Variants in HSBP1 observed in about 807,000 individuals in gnomAD.
HSBP1 encodes heat shock factor binding protein 1.
A neutral mutation model predicts 9.6 loss-of-function variants in HSBP1; 5 were observed. The observed-to-expected ratio is 0.52, with a 90% CI of 0.27 to 1.09. The LOEUF is 1.09. Ranked by LOEUF, HSBP1 falls within the 50% of genes least tolerant of loss-of-function variation. HSBP1 has a pLI of 0.11. For synonymous variants in HSBP1, 42 were observed against 33.3 expected (o/e 1.26, Z -0.90); for missense variants, 121 against 96.3 (o/e 1.26, Z -1.07).
Position 83,814,100 on chromosome 16 carries a change from CTG to C in HSBP1, c.*2686_*2687del, listed in dbSNP as rs1904665186. ...AAATGGAAGCCTTCCCAAGCAGACACTGTGTTCCTCTTTTATTTTGTATTTTG... is the reference window on the plus strand; with the variant it reads ...AAATGGAAGCCTTCCCAAGCAGACACTGTTCCTCTTTTATTTTGTATTTTG... On this transcript the variant is annotated 3_prime_UTR_variant, in exon 4 of 4. Transcript: ENST00000433866. The C allele has an allele frequency of 6.6e-6, 1 of 152,188 alleles. No individual in the cohort carries two copies. Among genetic ancestry groups the C allele is most frequent in the Non-Finnish European group, 1.5e-5 (1 of 68,040 alleles). The allele number at this position is 152,188 out of a possible 1,614,324, so 9.4% of individuals were successfully genotyped here.
Position 83,815,875 on chromosome 16 carries a change from C to T in HSBP1, c.*4457C>T, listed in dbSNP as rs947250733. ...CTCTACCGTAGAAAACAGAATTTGA[C>T]CATTTAGTCACGTTGGTCTTGCAAA... On this transcript the variant is annotated 3_prime_UTR_variant, in exon 4 of 4. Transcript: ENST00000433866. 3 of 152,062 alleles carry T rather than the reference C, an allele frequency of 2.0e-5. No homozygotes were observed. The highest frequency in any genetic ancestry group is 2.9e-5 in the Non-Finnish European group (2 of 68,004). 9.4% of individuals were successfully genotyped at this position (152,062 alleles called of 1,614,324 possible).
Position 83,807,996 on chromosome 16 carries a change from A to C in HSBP1, c.-81A>C. On this transcript the variant is annotated 5_prime_UTR_variant, in exon 1 of 4. Coordinates refer to ENST00000433866, the MANE Select transcript of HSBP1 (RefSeq NM_001537.4). ...AGCTGCCAGTCTCGTCGCGAGAAGC[A>C]GCGGCCCGGGGCGACTGAGCGGACA... 7.0e-6 allele frequency: 9 copies of C among 1,286,464 alleles called. No individual in the cohort carries two copies. The highest frequency in any genetic ancestry group is 9.6e-6 in the Non-Finnish European group (9 of 942,308). 79.7% of individuals were successfully genotyped at this position (1,286,464 alleles called of 1,614,324 possible).
rs559279094 is a variant in HSBP1 at position 83,812,886 on chromosome 16, T to C, written c.*1468T>C. ...ATGGCCGGTTGCGGTTGTAGGAGAG[T>C]TGTGACTTAGGCAGGAGTCGACCTC... is the stretch of plus-strand genomic sequence containing the variant. On this transcript the variant is annotated 3_prime_UTR_variant, in exon 4 of 4. Transcript: ENST00000433866. 6.6e-6 allele frequency: 1 copy of C among 151,852 alleles called. No individual in the cohort carries two copies. Among genetic ancestry groups the C allele is most frequent in the East Asian group, 1.9e-4 (1 of 5,160 alleles). 9.4% of individuals were successfully genotyped at this position (151,852 alleles called of 1,614,324 possible).
intron 2 of HSBP1, 80 bp from the exon 3 acceptor site, chr16:83,809,225 T>A (rs1405108779): frequency 3.5e-6 from 3 of 845,122 alleles, no homozygotes; most frequent in Non-Finnish European, 5.7e-6. Context: ...AAAGTCGTTG[T>A]GTTTAAGGCT....
At chr16:83,810,956 G>A (rs532863935) in intron 3 of HSBP1, among the ~76,000 whole-genome samples, 16 of 152,328 alleles carry the variant, frequency 1.1e-4, no homozygotes, top group South Asian at 1.0e-3. Flanking sequence ...TTGGGATGTT[G>A]AAGACAGACT....
rs76191599 is a variant in HSBP1, at chr16:83,808,916, A to C, written c.112+170A>C. 0.029 allele frequency among the ~76,000 whole-genome samples: 4,381 copies of C among 152,198 alleles called. 80 individuals are homozygous for C. Among genetic ancestry groups the C allele is most frequent in the East Asian group, 0.087 (450 of 5,162 alleles). ...AGGACTGCGCCGAGAGCTAGGGGCAAAGCTGAGTTAGACTCCTGGCTCAAG... is the reference window on the plus strand; with the variant it reads ...AGGACTGCGCCGAGAGCTAGGGGCACAGCTGAGTTAGACTCCTGGCTCAAG... On this transcript the variant is annotated intron_variant, in intron 2 of 3. Coordinates refer to ENST00000433866, the MANE Select transcript of HSBP1 (RefSeq NM_001537.4).
chr16:83,811,307 A>G (rs1904595717), intron 3 of HSBP1, 114 bp from the exon 4 acceptor site: 1 of 152,228 alleles, frequency 6.6e-6, no homozygotes, highest in African/African-American at 2.4e-5. Context: ...AGAAGAAAAT[A>G]AGTTTAACTC....
At chr16:83,808,202 C>G in intron 1 of HSBP1, 81 bp downstream of exon 1, 1 of 1,230,676 alleles carries the variant, frequency 8.1e-7, no homozygotes, top group Non-Finnish European at 1.1e-6. Flanking sequence ...GAGGCGCGCC[C>G]ACCGCGGCCG....
At chr16:83,809,522 G>A (rs1904551836) in intron 3 of HSBP1, 97 bp downstream of exon 3, 2 of 634,400 alleles carry the variant, frequency 3.2e-6, no homozygotes, top group Non-Finnish European at 5.2e-6. Context: ...AGGCTGGAGT[G>A]CAATGGCACG....
In HSBP1 at chr16:83,811,668, A is replaced by G. The variant is rs1174983264; in HGVS notation, c.*250A>G. On this transcript the variant is annotated 3_prime_UTR_variant, in exon 4 of 4. Coordinates refer to ENST00000433866, the MANE Select transcript of HSBP1 (RefSeq NM_001537.4). Reference sequence around the variant, plus strand: ...ACTAAAACTTTGGCGGTTCTTGCATAACATTGTCAGATTTTTTAGTGTATT... The same window carrying G: ...ACTAAAACTTTGGCGGTTCTTGCATGACATTGTCAGATTTTTTAGTGTATT... The G allele has an allele frequency of 6.6e-6, 1 of 152,236 alleles. No individual in the cohort carries two copies. The highest frequency in any genetic ancestry group is 1.5e-5 in the Non-Finnish European group (1 of 68,044). The allele number at this position is 152,236 out of a possible 1,614,324, so 9.4% of individuals were successfully genotyped here. A position where few individuals can be genotyped will look rare whatever the true frequency, so the allele number is the denominator to read the frequency against.
rs1428677973 is a variant in HSBP1 at position 83,818,816 on chromosome 16, G to T, written c.*7398G>T. Reference sequence around the variant, plus strand: ...TTCCATAATTGGTCTGAGAACAACAGATTTTTTTCTTTTTTGCCTCGGATT... The same window carrying T: ...TTCCATAATTGGTCTGAGAACAACATATTTTTTTCTTTTTTGCCTCGGATT... On this transcript the variant is annotated 3_prime_UTR_variant, in exon 4 of 4. Transcript: ENST00000433866. 1 of 152,170 alleles carries T rather than the reference G, an allele frequency of 6.6e-6. No individual in the cohort carries two copies. Among genetic ancestry groups the T allele is most frequent in the Non-Finnish European group, 1.5e-5 (1 of 68,026 alleles). 9.4% of individuals were successfully genotyped at this position (152,170 alleles called of 1,614,324 possible).
intron 1 of HSBP1, chr16:83,808,407 C>G (rs974331450): frequency 5.3e-6 from 3 of 563,222 alleles, no homozygotes; most frequent in Non-Finnish European, 9.4e-6. Flanking sequence ...CCCTCCCCGC[C>G]CTTCAACTCC....
At chr16:83,810,872 C>T (rs1354012900) in intron 3 of HSBP1, among the ~76,000 whole-genome samples, 1 of 152,178 alleles carries the variant, frequency 6.6e-6, no homozygotes, top group Non-Finnish European at 1.5e-5. Flanking sequence ...GCAGAATGTA[C>T]AGTAAAACAT....
rs1904680083 is a variant in HSBP1, at chr16:83,814,731, C to G, written c.*3313C>G. On this transcript the variant is annotated 3_prime_UTR_variant, in exon 4 of 4. Coordinates refer to ENST00000433866, the MANE Select transcript of HSBP1 (RefSeq NM_001537.4). ...TGTGAGTTTTTATTTGGAATTTAAA[C>G]TATTCAGAGCTGGTAGAAAATGTGT... 1.3e-5 allele frequency: 2 copies of G among 152,220 alleles called. No individual in the cohort carries two copies. The highest frequency in any genetic ancestry group is 4.8e-5 in the African/African-American group (2 of 41,448). The allele number at this position is 152,220 out of a possible 1,614,324, so 9.4% of individuals were successfully genotyped here.
At position 83,817,321 on chromosome 16, in the gene HSBP1, G is replaced by A. The variant is rs907214041; in HGVS notation, c.*5903G>A. 1 of 152,218 alleles carries A rather than the reference G, an allele frequency of 6.6e-6. No homozygotes were observed. The highest frequency in any genetic ancestry group is 2.4e-5 in the African/African-American group (1 of 41,464). The allele number at this position is 152,218 out of a possible 1,614,324, so 9.4% of individuals were successfully genotyped here. A position where few individuals can be genotyped will look rare whatever the true frequency, so the allele number is the denominator to read the frequency against. On this transcript the variant is annotated 3_prime_UTR_variant, in exon 4 of 4. Coordinates refer to ENST00000433866, the MANE Select transcript of HSBP1 (RefSeq NM_001537.4). ...TCAATTCAATCCATGTGTCACGCAT[G>A]CCCCAACAATTTGTGTCCCAACTGT...
intron 1 of HSBP1, chr16:83,808,359 G>C (rs1382689184): frequency 7.3e-6 from 4 of 548,822 alleles, no homozygotes; most frequent in Non-Finnish European, 1.3e-5. Flanking sequence ...TTCATCTGTC[G>C]CGAACGCCCT....
chr16:83,817,683 A>C lies in HSBP1; in HGVS notation c.*6265A>C, dbSNP rs948555190. ...AAACTTTACATATTAAATATCTTAAAGGTCTTTTATGCAGAATATGCAGTT... is the reference window on the plus strand; with the variant it reads ...AAACTTTACATATTAAATATCTTAACGGTCTTTTATGCAGAATATGCAGTT... On this transcript the variant is annotated 3_prime_UTR_variant, in exon 4 of 4. Transcript: ENST00000433866. The C allele has an allele frequency of 3.9e-5, 6 of 152,228 alleles. No individual in the cohort carries two copies. Among genetic ancestry groups the C allele is most frequent in the African/African-American group, 1.4e-4 (6 of 41,456 alleles). 9.4% of individuals were successfully genotyped at this position (152,228 alleles called of 1,614,324 possible).
In HSBP1 at chr16:83,819,636, G is replaced by A. The variant is rs1904796667; in HGVS notation, c.*8218G>A. ...TCCAATCATTTAAAGCTTCCTGAGT[G>A]TTTCGGTTGATTAAAAAGCTTTTAA... On this transcript the variant is annotated 3_prime_UTR_variant, in exon 4 of 4. Coordinates refer to ENST00000433866, the MANE Select transcript of HSBP1 (RefSeq NM_001537.4). 1 of 152,144 alleles carries A rather than the reference G, an allele frequency of 6.6e-6. No homozygotes were observed. 9.4% of individuals were successfully genotyped at this position (152,144 alleles called of 1,614,324 possible).
At position 83,808,112 on chromosome 16, in the gene HSBP1, C is replaced by T. The variant is rs1235134544; in HGVS notation, c.36C>T (p.Leu12=). ...AETDPKTVQD[L]TSVVQTLLQQ... is the part of the protein sequence containing the mutation. ...CTGACCCCAAGACCGTGCAGGACCTCACCTCGGTGGTAAGGGACGGCTGTG... is the reference window on the plus strand; with the variant it reads ...CTGACCCCAAGACCGTGCAGGACCTTACCTCGGTGGTAAGGGACGGCTGTG... The change falls in exon 1 of 4, where the codon CTC becomes CTT. Residue 12 remains leucine (L), a synonymous_variant. Transcript: ENST00000433866. 6.5e-7 allele frequency: 1 copy of T among 1,546,946 alleles called. No individual in the cohort carries two copies. The highest frequency in any genetic ancestry group is 2.0e-5 in the Admixed American group (1 of 50,778).
Sources: gnomAD v4.1 joint callset for allele counts (sites outside exome capture counted in the v4.1 genomes callset) on GRCh38, gnomAD v4.1.1 for gene constraint, MANE v1.5 for transcripts, NCBI Gene and HGNC (gene_info 2026-07-23, HGNC 2026-07-21) for gene names.